MUC13: variants seen among roughly 807,000 people sequenced by gnomAD.
The protein encoded by MUC13 is mucin 13, cell surface associated, also known as mucin-13.
Under a neutral mutation model 48.3 loss-of-function variants are expected in MUC13, and 32 were observed. That is an observed-to-expected ratio of 0.66 (90% confidence interval 0.50 to 0.89). MUC13 has a LOEUF of 0.89. MUC13 is among the 40% of genes least tolerant of loss of function. The pLI, the probability that MUC13 is intolerant of heterozygous loss-of-function variation, is 0.00. For synonymous variants in MUC13, 199 were observed against 224.9 expected, an observed-to-expected ratio of 0.88 and a Z score of 1.03; for missense variants, 571 against 622.8, an observed-to-expected ratio of 0.92 and a Z score of 0.88.
chr3:124,907,064 C>T (rs1296318494), intron 11 of MUC13, among the ~76,000 whole-genome samples: 1 of 152,154 alleles, frequency 6.6e-6, no homozygotes, highest in Non-Finnish European at 1.5e-5. Flanking sequence ...TATGATTATC[C>T]AATACAAACC....
rs1175714352 is a variant in MUC13, at chr3:124,912,935, CAAAAAAA to C, written c.1214+169_1214+175del. On this transcript the variant is annotated intron_variant, in intron 8 of 11. Coordinates refer to ENST00000616727, the MANE Select transcript of MUC13 (RefSeq NM_033049.4). ...TGGGGGACAGAGTGAGACTCCATCT[CAAAAAAA>C]AAAAAAAAAAAAAAAACTATTGATG... Among the ~76,000 whole-genome samples the C allele has an allele frequency of 9.7e-5, 4 of 41,264 alleles. No individual in the cohort carries two copies. In the South Asian group the frequency reaches 2.5e-3, roughly 26 times the overall value. The allele number at this position is 41,264 out of a possible 152,430, so 27.1% of individuals were successfully genotyped here. A position where few individuals can be genotyped will look rare whatever the true frequency, so the allele number is the denominator to read the frequency against.
rs886970810 is a variant in MUC13 at position 124,920,364 on chromosome 3, GA to G, written c.745-76del. On this transcript the variant is annotated intron_variant, in intron 4 of 11. Coordinates refer to ENST00000616727, the MANE Select transcript of MUC13 (RefSeq NM_033049.4). ...CATTTTCTACAAATCAAATGAGGCA[GA>G]AAAAAATAATGCTCTATCTAGCTTT... The G allele has an allele frequency of 3.4e-6, 4 of 1,163,874 alleles. No homozygotes were observed. The African/African-American group carries it at 4.7e-5, about 14-fold the overall frequency. 72.1% of individuals were successfully genotyped at this position (1,163,874 alleles called of 1,614,324 possible).
Position 124,931,787 on chromosome 3 carries a change from G to C in MUC13, c.52+2874C>G, listed in dbSNP as rs530830752. 4.6e-5 allele frequency among the ~76,000 whole-genome samples: 7 copies of C among 151,368 alleles called. 1 individual carries two copies. The highest frequency in any genetic ancestry group is 1.7e-4 in the African/African-American group (7 of 41,180). ...AGGCCAGGCGCGGTGGCTCACGCCT[G>C]TAATCCCAGAACTTTGGGAGGCCAA... On this transcript the variant is annotated intron_variant, in intron 1 of 11. Transcript: ENST00000616727.
chr3:124,931,838 T>A (rs959539956), intron 1 of MUC13, among the ~76,000 whole-genome samples: 4 of 150,678 alleles, frequency 2.7e-5, no homozygotes, highest in Admixed American at 6.6e-5. Flanking sequence ...AGGTCAGGAG[T>A]TCGAGAACAG....
At chr3:124,925,188 T>A (rs1348289550) in intron 2 of MUC13, among the ~76,000 whole-genome samples, 1 of 152,154 alleles carries the variant, frequency 6.6e-6, no homozygotes, top group Non-Finnish European at 1.5e-5. Flanking sequence ...ATGGAGGAAA[T>A]GCATGCTACT....
chr3:124,917,241 G>T (rs1935525013), intron 5 of MUC13, among the ~76,000 whole-genome samples: 1 of 151,010 alleles, frequency 6.6e-6, no homozygotes, highest in Admixed American at 6.6e-5. Flanking sequence ...ACTGAAACAG[G>T]GGGAAAAATG....
At chr3:124,930,620 C>T (rs751761102) in intron 1 of MUC13, among the ~76,000 whole-genome samples, 6 of 152,174 alleles carry the variant, frequency 3.9e-5, no homozygotes, top group Non-Finnish European at 8.8e-5. Flanking sequence ...AAGGATAGCA[C>T]AACGTCCACA....
At chr3:124,910,234 G>A (rs56699985) in intron 10 of MUC13, among the ~76,000 whole-genome samples, 181 bp downstream of exon 10, 3,680 of 152,120 alleles carry the variant, frequency 0.024, 157 homozygotes, top group African/African-American at 0.083. Context: ...GTCCTGTGCC[G>A]CAGGAAAAGG....
Position 124,908,368 on chromosome 3 carries a change from T to C in MUC13, c.1338-20A>G. 6.2e-7 allele frequency: 1 copy of C among 1,600,390 alleles called. No individual in the cohort carries two copies. The highest frequency in any genetic ancestry group is 1.7e-4 in the Middle Eastern group (1 of 6,032). On this transcript the variant is annotated intron_variant, in intron 10 of 11. Coordinates refer to ENST00000616727, the MANE Select transcript of MUC13 (RefSeq NM_033049.4). Reference sequence around the variant, plus strand: ...TTTGATCTGTAATCAGTAAGAGGAATTAGGATTTGACAATGGCAGAAAGTT... The same window carrying C: ...TTTGATCTGTAATCAGTAAGAGGAACTAGGATTTGACAATGGCAGAAAGTT...
chr3:124,922,818 T>C (rs1398895127), intron 3 of MUC13, among the ~76,000 whole-genome samples: 14 of 152,028 alleles, frequency 9.2e-5, no homozygotes, highest in Admixed American at 9.2e-4. Flanking sequence ...GAAGTACATG[T>C]CCCCTTCCTT....
chr3:124,913,933 G>A (rs751404496), intron 6 of MUC13, among the ~76,000 whole-genome samples: 1 of 152,114 alleles, frequency 6.6e-6, no homozygotes, highest in Non-Finnish European at 1.5e-5. Flanking sequence ...ATGGTGGCAA[G>A]CTCCTGTAGT....
chr3:124,908,751 C>T (rs1188755367), intron 10 of MUC13, among the ~76,000 whole-genome samples: 1 of 152,238 alleles, frequency 6.6e-6, no homozygotes, highest in Non-Finnish European at 1.5e-5. Flanking sequence ...TGGCCTCATT[C>T]ATATTTTGCT....
rs1279265784 is a variant in MUC13, at chr3:124,906,248, A to G, written c.*495T>C. On this transcript the variant is annotated 3_prime_UTR_variant, in exon 12 of 12. Coordinates refer to ENST00000616727, the MANE Select transcript of MUC13 (RefSeq NM_033049.4). ...CAGTGTCCCTATTCTGACTTGTCAG[A>G]GAGTGAGCTTGTGACCCTTGAAAGA... 1 of 152,676 alleles carries G rather than the reference A, an allele frequency of 6.5e-6. No individual in the cohort carries two copies. Among genetic ancestry groups the G allele is most frequent in the Non-Finnish European group, 1.5e-5 (1 of 68,080 alleles). 9.5% of individuals were successfully genotyped at this position (152,676 alleles called of 1,614,324 possible). A position where few individuals can be genotyped will look rare whatever the true frequency, so the allele number is the denominator to read the frequency against.
chr3:124,926,942 G>A (rs1935697007), intron 2 of MUC13, among the ~76,000 whole-genome samples: 1 of 152,158 alleles, frequency 6.6e-6, no homozygotes, highest in Non-Finnish European at 1.5e-5. Flanking sequence ...TTCTGCTTGA[G>A]GTCACTTGTC....
chr3:124,909,847 A>G (rs1935388552), intron 10 of MUC13, among the ~76,000 whole-genome samples: 1 of 152,196 alleles, frequency 6.6e-6, no homozygotes, highest in Non-Finnish European at 1.5e-5. Flanking sequence ...TTTTAATGAC[A>G]TAAGGAAATG....
intron 1 of MUC13, among the ~76,000 whole-genome samples, chr3:124,931,731 A>G (rs936846013): frequency 6.7e-6 from 1 of 149,848 alleles, no homozygotes; most frequent in Non-Finnish European, 1.5e-5. Context: ...CTGGGCGACA[A>G]GAGCAAAACT....
chr3:124,927,502 T>C, intron 2 of MUC13, 30 bp downstream of exon 2: 1 of 1,596,416 alleles, frequency 6.3e-7, no homozygotes, highest in Non-Finnish European at 8.6e-7. Flanking sequence ...CTCTCCATCC[T>C]TGGGGAGTCT....
intron 7 of MUC13, 102 bp from the exon 8 acceptor site, chr3:124,913,342 G>C: frequency 6.6e-7 from 1 of 1,513,530 alleles, no homozygotes; most frequent in South Asian, 1.3e-5. Context: ...GCTTTTTCTA[G>C]GTAAAATGAG....
chr3:124,915,739 G>A (rs758072667), intron 6 of MUC13, among the ~76,000 whole-genome samples: 3 of 152,216 alleles, frequency 2.0e-5, no homozygotes, highest in Non-Finnish European at 2.9e-5. Context: ...AGGCTGGAGT[G>A]TGGTGTCGTG....
Sources: gnomAD v4.1 joint callset for allele counts (sites outside exome capture counted in the v4.1 genomes callset) on GRCh38, gnomAD v4.1.1 for gene constraint, MANE v1.5 for transcripts, NCBI Gene and HGNC (gene_info 2026-07-23, HGNC 2026-07-21) for gene names.